The following HPSE2 variants were observed in gnomAD, a reference collection of about 807,000 sequenced individuals.
HPSE2 encodes the protein inactive heparanase-2.
A neutral mutation model predicts 60.5 loss-of-function variants in HPSE2; 38 were observed. The observed-to-expected ratio is 0.63, with a 90% confidence interval of 0.48 to 0.82. The LOEUF is 0.82. HPSE2 is among the 40% of genes least tolerant of loss of function. The probability of loss-of-function intolerance (pLI) is 0.00; values close to 1 mark genes in which losing one functional copy is unlikely to be tolerated. For missense variants in HPSE2, 713 were observed against 740.4 expected (o/e 0.96, Z 0.43); for synonymous variants, 295 against 293.2 (o/e 1.01, Z -0.06).
chr10:98,820,568 C>T lies in HPSE2; in HGVS notation c.611-76512G>A, dbSNP rs186629699. ...GATCCCCTGGGCTAAAAAGAGAATG[C>T]CTGTATGGCCTTCTATCAAAAGAAG... On this transcript the variant is annotated intron_variant, in intron 3 of 11. Coordinates refer to ENST00000370552, the MANE Select transcript of HPSE2 (RefSeq NM_021828.5). Among the ~76,000 whole-genome samples, 4 of 152,266 alleles carry T rather than the reference C, an allele frequency of 2.6e-5. No individual in the cohort carries two copies. In the East Asian group the frequency reaches 7.7e-4, roughly 29 times the overall value.
chr10:98,897,335 T>C (rs1953522937), intron 3 of HPSE2, among the ~76,000 whole-genome samples: 1 of 151,852 alleles, frequency 6.6e-6, no homozygotes, highest in Non-Finnish European at 1.5e-5. Flanking sequence ...ACTATTGAAA[T>C]AAAATAGAAA....
At chr10:99,048,717 T>A (rs1957918617) in intron 3 of HPSE2, among the ~76,000 whole-genome samples, 1 of 152,070 alleles carries the variant, frequency 6.6e-6, no homozygotes, top group African/African-American at 2.4e-5. Context: ...AACCCCACAA[T>A]CCCATTACTA....
Position 98,514,726 on chromosome 10 carries a change from T to G in HPSE2, c.1321-24530A>C, listed in dbSNP as rs1028827884. Among the ~76,000 whole-genome samples, 259 of 146,740 alleles carry G rather than the reference T, an allele frequency of 1.8e-3. 1 individual carries two copies. Among genetic ancestry groups the G allele is most frequent in the Admixed American group, 3.9e-3 (57 of 14,744 alleles). On this transcript the variant is annotated intron_variant, in intron 9 of 11. Coordinates refer to ENST00000370552, the MANE Select transcript of HPSE2 (RefSeq NM_021828.5). ...TATATACTTTGTTTTTTTTTTTTTT[T>G]TTTTTTTTTTTAGACAGAGTCTTGC... is the stretch of plus-strand genomic sequence containing the variant.
intron 2 of HPSE2, among the ~76,000 whole-genome samples, chr10:99,164,234 TATATATATATATA>T (rs1282158935): frequency 5.5e-4 from 1 of 1,812 alleles, no homozygotes; most frequent in Non-Finnish European, 1.0e-3. Flanking sequence ...GCATTATATA[TATATATATATATA>T]TATATATATA....
intron 2 of HPSE2, among the ~76,000 whole-genome samples, chr10:99,158,919 T>C (rs1034676232): frequency 4.6e-5 from 7 of 152,110 alleles, no homozygotes; most frequent in African/African-American, 1.7e-4. Context: ...TATTAATAAT[T>C]GCACTAAATT....
chr10:98,985,034 C>T lies in HPSE2; in HGVS notation c.610+159204G>A, dbSNP rs892053077. ...ATATGATTGGTGTACCTGAAAGTGA[C>T]AGGGAGAATGGAACCAAGTTGGAAA... On this transcript the variant is annotated intron_variant, in intron 3 of 11. Coordinates refer to ENST00000370552, the MANE Select transcript of HPSE2 (RefSeq NM_021828.5). Among the ~76,000 whole-genome samples the T allele has an allele frequency of 4.6e-5, 7 of 152,098 alleles. No homozygotes were observed. In the South Asian group the frequency reaches 6.2e-4, roughly 14 times the overall value.
At chr10:99,008,489 G>A (rs1319949266) in intron 3 of HPSE2, among the ~76,000 whole-genome samples, 1 of 152,196 alleles carries the variant, frequency 6.6e-6, no homozygotes, top group African/African-American at 2.4e-5. Flanking sequence ...CAAAGGACAT[G>A]AAAATACAAG....
At chr10:99,279,980 CCTT>C in the HPSE2 span, among the ~76,000 whole-genome samples, 9 of 152,280 alleles carry the variant, frequency 5.9e-5, no homozygotes, top group East Asian at 1.7e-3. Context: ...TTTGGAGACT[CCTT>C]CTAGCAACCC....
chr10:99,274,426 T>G, the HPSE2 span, among the ~76,000 whole-genome samples: 1 of 151,828 alleles, frequency 6.6e-6, no homozygotes, highest in Non-Finnish European at 1.5e-5. Flanking sequence ...TAAAGTAAAA[T>G]TTAAAAAAAA....
chr10:98,815,304 T>C (rs1017918898), intron 3 of HPSE2, among the ~76,000 whole-genome samples: 2 of 152,056 alleles, frequency 1.3e-5, no homozygotes, highest in African/African-American at 4.8e-5. Context: ...TTTGAAGGCA[T>C]CATATAGTTG....
At chr10:99,135,504 C>A (rs1415917649) in intron 3 of HPSE2, among the ~76,000 whole-genome samples, 1 of 152,160 alleles carries the variant, frequency 6.6e-6, no homozygotes, top group African/African-American at 2.4e-5. Flanking sequence ...TCATAACAAA[C>A]AGTCTCTCAG....
the HPSE2 span, among the ~76,000 whole-genome samples, chr10:99,300,816 C>A: frequency 6.6e-6 from 1 of 152,158 alleles, no homozygotes; most frequent in Non-Finnish European, 1.5e-5. Context: ...TGTTTTAAAA[C>A]CCAATGTTAA....
In HPSE2 at chr10:98,938,474, GAAGA is replaced by G. The variant is rs576026252; in HGVS notation, c.611-194422_611-194419del. ...CCTCAGGAGCCAATGTGATCAACTG[GAAGA>G]AAGGTTATCAGTGATGGAAGATGAA... is the stretch of plus-strand genomic sequence containing the variant. On this transcript the variant is annotated intron_variant, in intron 3 of 11. Coordinates refer to ENST00000370552, the MANE Select transcript of HPSE2 (RefSeq NM_021828.5). 5.9e-3 allele frequency among the ~76,000 whole-genome samples: 849 copies of G among 144,332 alleles called. 173 individuals are homozygous for G. Among genetic ancestry groups the G allele is most frequent in the African/African-American group, 0.023 (825 of 35,646 alleles). 94.7% of individuals were successfully genotyped at this position (144,332 alleles called of 152,430 possible).
At position 99,047,854 on chromosome 10, in the gene HPSE2, G is replaced by A. The variant is rs139585490; in HGVS notation, c.610+96384C>T. ...TGTACAGAACTGAAATTTGAATGGCGAGGATGGCAAGAAAAGCTGGCAACT... is the reference window on the plus strand; with the variant it reads ...TGTACAGAACTGAAATTTGAATGGCAAGGATGGCAAGAAAAGCTGGCAACT... On this transcript the variant is annotated intron_variant, in intron 3 of 11. Coordinates refer to ENST00000370552, the MANE Select transcript of HPSE2 (RefSeq NM_021828.5). The A allele has an allele frequency of 1.3e-4, 98 of 778,972 alleles. 1 individual carries two copies. In the Middle Eastern group the frequency reaches 2.0e-3, roughly 16 times the overall value. 48.3% of individuals were successfully genotyped at this position (778,972 alleles called of 1,614,324 possible).
At chr10:99,201,789 T>C (rs1047378606) in intron 2 of HPSE2, among the ~76,000 whole-genome samples, 1 of 152,002 alleles carries the variant, frequency 6.6e-6, no homozygotes, top group African/African-American at 2.4e-5. Flanking sequence ...AAACAAAAAC[T>C]CATTCTATAT....
chr10:99,027,718 G>A (rs562929036), intron 3 of HPSE2, among the ~76,000 whole-genome samples: 4 of 126,008 alleles, frequency 3.2e-5, no homozygotes, highest in Non-Finnish European at 4.9e-5. Context: ...CCACCACTAC[G>A]GGCCAATATC....
chr10:99,027,677 AC>A, intron 3 of HPSE2, among the ~76,000 whole-genome samples: 1 of 800 alleles, frequency 1.3e-3, no homozygotes. Flanking sequence ...CACCACCACT[AC>A]CACCACCACC....
intron 9 of HPSE2, among the ~76,000 whole-genome samples, chr10:98,574,396 G>C (rs1195595289): frequency 6.6e-6 from 1 of 152,036 alleles, no homozygotes; most frequent in Non-Finnish European, 1.5e-5. Context: ...AATGCAAAGA[G>C]GACTCTTCCT....
At chr10:99,020,563 T>G (rs1235044766) in intron 3 of HPSE2, among the ~76,000 whole-genome samples, 2 of 152,202 alleles carry the variant, frequency 1.3e-5, no homozygotes, top group African/African-American at 4.8e-5. Flanking sequence ...CTTTCCAAGT[T>G]TTTTACCTCC....
Sources: gnomAD v4.1 joint callset for allele counts (sites outside exome capture counted in the v4.1 genomes callset) on GRCh38, gnomAD v4.1.1 for gene constraint, MANE v1.5 for transcripts, NCBI Gene and HGNC (gene_info 2026-07-23, HGNC 2026-07-21) for gene names.